Variants in SLIT2 observed in about 807,000 individuals in gnomAD.
The protein encoded by SLIT2 is slit guidance ligand 2.
A neutral mutation model predicts 185.7 loss-of-function variants in SLIT2; 41 were observed. The ratio of observed to expected loss-of-function variants is 0.22; its 90% CI spans 0.17 to 0.29. SLIT2 has a LOEUF of 0.29. Ranked by LOEUF, SLIT2 falls within the 10% of genes least tolerant of loss-of-function variation. SLIT2 has a pLI of 1.00. For missense variants in SLIT2, 1,571 were observed against 1,909.0 expected, an observed-to-expected ratio of 0.82 and a Z score of 3.30; for synonymous variants, 693 against 680.2, an observed-to-expected ratio of 1.02 and a Z score of -0.29.
intron 9 of SLIT2, among the ~76,000 whole-genome samples, chr4:20,507,367 T>C (rs890026280): frequency 7.2e-5 from 11 of 151,970 alleles, no homozygotes; most frequent in African/African-American, 2.7e-4. Context: ...GACTTTAAAA[T>C]AATAAATGAA....
intron 4 of SLIT2, among the ~76,000 whole-genome samples, chr4:20,350,677 A>C (rs1434426888): frequency 6.6e-6 from 1 of 152,178 alleles, no homozygotes; most frequent in African/African-American, 2.4e-5. Context: ...CTAGGGAAAC[A>C]CTAGTTAGAT....
chr4:20,405,831 A>T (rs1726734640), intron 4 of SLIT2, among the ~76,000 whole-genome samples: 2 of 152,026 alleles, frequency 1.3e-5, no homozygotes. Context: ...ATATTAGGAC[A>T]TAAGATGACT....
At chr4:20,312,893 T>A (rs1718251406) in intron 4 of SLIT2, among the ~76,000 whole-genome samples, 1 of 152,200 alleles carries the variant, frequency 6.6e-6, no homozygotes, top group Non-Finnish European at 1.5e-5. Context: ...TCTTATTATT[T>A]TATCCTAAAG....
In SLIT2 at chr4:20,616,993, C is replaced by A. The variant is rs1180893606; in HGVS notation, c.3931C>A (p.Leu1311Ile). The A allele has an allele frequency of 6.2e-7, 1 of 1,614,138 alleles. No individual in the cohort carries two copies. The highest frequency in any genetic ancestry group is 8.5e-7 in the Non-Finnish European group (1 of 1,180,012). ...CAGCTTCCACGGCTGCATCCGGAAC[C>A]TTTACATCAACAGTGAGCTGCAGGA... ...GTSFHGCIRN[L>I]YINSELQDFQ... The change falls in exon 35 of 37, where the codon CTT (leucine) becomes ATT (isoleucine). Residue 1311 changes from leucine to isoleucine, a missense_variant. Physicochemically the swap from Leu to Ile is conservative, Grantham distance 5. Coordinates refer to ENST00000504154, the MANE Select transcript of SLIT2 (RefSeq NM_004787.4).
chr4:20,320,278 C>T (rs866484311), intron 4 of SLIT2, among the ~76,000 whole-genome samples: 13 of 152,252 alleles, frequency 8.5e-5, no homozygotes, highest in Middle Eastern at 3.4e-3. Flanking sequence ...GTCTTAACAG[C>T]GCACGTCAGT....
At chr4:20,315,665 T>A (rs1157817018) in intron 4 of SLIT2, among the ~76,000 whole-genome samples, 1 of 152,062 alleles carries the variant, frequency 6.6e-6, no homozygotes, top group Non-Finnish European at 1.5e-5. Context: ...AAAGTTAAAA[T>A]TTCAAGCTGT....
intron 4 of SLIT2, among the ~76,000 whole-genome samples, chr4:20,417,114 C>A (rs1727746223): frequency 6.6e-6 from 1 of 152,022 alleles, no homozygotes; most frequent in Non-Finnish European, 1.5e-5. Flanking sequence ...TCCTTCATTA[C>A]CTTGTCTCTA....
chr4:20,282,038 C>A (rs1284210068), intron 4 of SLIT2, among the ~76,000 whole-genome samples: 4 of 152,124 alleles, frequency 2.6e-5, no homozygotes, highest in South Asian at 2.1e-4. Flanking sequence ...TTCATCAGAA[C>A]CTTTCTGTTG....
intron 4 of SLIT2, among the ~76,000 whole-genome samples, chr4:20,342,717 C>CTTTTTTTTTTTTTTTTTTTTTTTTTTTTT (rs11373611): frequency 1.4e-5 from 1 of 69,680 alleles, no homozygotes. Context: ...GACTATCGCA[C>CTTTTTTTTTTTTTTTTTTTTTTTTTTTTT]TTTTTTTTTT....
intron 4 of SLIT2, among the ~76,000 whole-genome samples, chr4:20,426,571 T>G (rs1238770027): frequency 1.3e-5 from 2 of 152,146 alleles, no homozygotes; most frequent in Non-Finnish European, 2.9e-5. Context: ...TGCATGCTGA[T>G]GATAACTAAA....
chr4:20,580,019 A>G (rs1005513671), intron 29 of SLIT2, among the ~76,000 whole-genome samples: 1 of 143,630 alleles, frequency 7.0e-6, no homozygotes, highest in African/African-American at 2.6e-5. Flanking sequence ...ATAATATATT[A>G]TTATATATAA....
chr4:20,501,429 G>C (rs1280386184), intron 9 of SLIT2, among the ~76,000 whole-genome samples: 1 of 152,128 alleles, frequency 6.6e-6, no homozygotes, highest in Admixed American at 6.5e-5. Flanking sequence ...GGGACTACAA[G>C]TGCATGCCAC....
chr4:20,264,712 C>G (rs1042374183), intron 3 of SLIT2, among the ~76,000 whole-genome samples: 1 of 151,878 alleles, frequency 6.6e-6, no homozygotes, highest in Non-Finnish European at 1.5e-5. Flanking sequence ...AAAGATCATT[C>G]TCTCTTCTGA....
At chr4:20,617,248 C>T (rs996151032) in intron 35 of SLIT2, 50 bp downstream of exon 35, 4 of 1,524,228 alleles carry the variant, frequency 2.6e-6, no homozygotes, top group African/African-American at 2.8e-5. Flanking sequence ...AGCCTCAAAG[C>T]CAAACCAAAG....
chr4:20,472,408 CTA>C lies in SLIT2; in HGVS notation c.467+4591_467+4592del, dbSNP rs1201042564. Among the ~76,000 whole-genome samples, 16 of 32,458 alleles carry C rather than the reference CTA, an allele frequency of 4.9e-4. No homozygotes were observed. The South Asian group carries it at 7.3e-3, about 15-fold the overall frequency. The allele number at this position is 32,458 out of a possible 152,430, so 21.3% of individuals were successfully genotyped here. On this transcript the variant is annotated intron_variant, in intron 5 of 36. Coordinates refer to ENST00000504154, the MANE Select transcript of SLIT2 (RefSeq NM_004787.4). ...TATGTAGATATATAGATATAGATAT[CTA>C]TATATCTATATATATAGATATCTAT...
At chr4:20,594,140 T>A (rs1209902810) in intron 30 of SLIT2, among the ~76,000 whole-genome samples, 1 of 149,346 alleles carries the variant, frequency 6.7e-6, no homozygotes, top group African/African-American at 2.4e-5. Context: ...TATATACATA[T>A]ATACACACAT....
In SLIT2 at chr4:20,379,332, C is replaced by A. The variant is rs373350281; in HGVS notation, c.396-88420C>A. Among the ~76,000 whole-genome samples the A allele has an allele frequency of 4.1e-4, 62 of 152,074 alleles. No individual in the cohort carries two copies. The South Asian group carries it at 0.013, about 32-fold the overall frequency. Reference sequence around the variant, plus strand: ...AATTAATAAAGATTATTAAAAATAACGACATTTATTATAACATTTTTGAGA... The same window carrying A: ...AATTAATAAAGATTATTAAAAATAAAGACATTTATTATAACATTTTTGAGA... On this transcript the variant is annotated intron_variant, in intron 4 of 36. Coordinates refer to ENST00000504154, the MANE Select transcript of SLIT2 (RefSeq NM_004787.4).
intron 21 of SLIT2, 145 bp downstream of exon 21, chr4:20,542,771 A>G (rs536809116): frequency 1.1e-6 from 1 of 882,188 alleles, no homozygotes; most frequent in South Asian, 1.7e-5. Context: ...AAAATGGTAA[A>G]TAAGTAATGC....
At chr4:20,348,642 A>G (rs1353893992) in intron 4 of SLIT2, among the ~76,000 whole-genome samples, 1 of 152,162 alleles carries the variant, frequency 6.6e-6, no homozygotes, top group African/African-American at 2.4e-5. Context: ...CCACTGTGCT[A>G]GACAAGGGGA....
Sources: allele counts gnomAD v4.1 joint callset (sites outside exome capture counted in the v4.1 genomes callset), GRCh38; gene constraint gnomAD v4.1.1; transcripts MANE v1.5; gene names NCBI Gene and HGNC (gene_info 2026-07-23, HGNC 2026-07-21).